Variants in DHTKD1 observed in about 807,000 individuals in gnomAD.
DHTKD1 encodes the protein 2-oxoadipate dehydrogenase complex component E1.
A neutral mutation model predicts 101.8 loss-of-function variants in DHTKD1; 78 were observed. The ratio of observed to expected loss-of-function variants is 0.77; its 90% CI spans 0.64 to 0.93. DHTKD1 has a LOEUF of 0.93. Ranked by LOEUF, DHTKD1 falls within the 40% of genes least tolerant of loss-of-function variation. DHTKD1 has a pLI of 0.00. For synonymous variants in DHTKD1, 462 were observed against 450.3 expected (o/e 1.03, Z -0.33); for missense variants, 1,223 against 1,161.7 (o/e 1.05, Z -0.77).
rs1429832049 is a variant in DHTKD1 at position 12,095,481 on chromosome 10, C to T, written c.1358+1210C>T. 7.3e-5 allele frequency among the ~76,000 whole-genome samples: 11 copies of T among 151,312 alleles called. No individual in the cohort carries two copies. In the East Asian group the frequency reaches 9.7e-4, roughly 13 times the overall value. ...TCACTTGAGGTCAGGAGTTTGAGACCGGCCTGGCCAACATGGTGAAACCCC... is the reference window on the plus strand; with the variant it reads ...TCACTTGAGGTCAGGAGTTTGAGACTGGCCTGGCCAACATGGTGAAACCCC... On this transcript the variant is annotated intron_variant, in intron 7 of 16. Transcript: ENST00000263035.
intron 12 of DHTKD1, among the ~76,000 whole-genome samples, chr10:12,111,290 C>T (rs1277994470): frequency 2.0e-5 from 3 of 152,072 alleles, no homozygotes; most frequent in Non-Finnish European, 2.9e-5. Context: ...CTCAGCCTCC[C>T]GAGTAGCTGG....
chr10:12,079,948 C>T lies in DHTKD1; in HGVS notation c.155-1524C>T, dbSNP rs114442908. 3.7e-3 allele frequency among the ~76,000 whole-genome samples: 563 copies of T among 152,254 alleles called. 4 individuals carry two copies. Among genetic ancestry groups the T allele is most frequent in the African/African-American group, 0.013 (535 of 41,562 alleles). On this transcript the variant is annotated intron_variant, in intron 1 of 16. Coordinates refer to ENST00000263035, the MANE Select transcript of DHTKD1 (RefSeq NM_018706.7). ...AAACACATCCTGTGTGTGTTCAATA[C>T]CTCTCTGTTCTTTCCTCACTAAACC...
In DHTKD1 at chr10:12,091,573, A is replaced by G. The variant is rs34716552; in HGVS notation, c.1048A>G (p.Asn350Asp). The G allele has an allele frequency of 8.6e-4, 1,394 of 1,613,348 alleles. 9 individuals are homozygous for G. The African/African-American group carries it at 0.017, about 20-fold the overall frequency. Reference protein sequence around the residue: ...GIVPETFTLSNLPHFRIGGSV... With the variant: ...GIVPETFTLSDLPHFRIGGSV... The stretch of plus-strand genomic sequence containing the variant: ...TGTTCCTGAAACATTCACGCTGTCC[A>G]ATCTCCCACATTTCAGAATTGGTGG... Residue 350 changes from asparagine to aspartate, a missense_variant, in exon 6 of 17, where the codon AAT becomes GAT. By Grantham distance (23) the Asn-to-Asp change is conservative. Transcript: ENST00000263035.
Position 12,100,851 on chromosome 10 carries a change from A to G in DHTKD1, c.1757-191A>G, listed in dbSNP as rs371376121. On this transcript the variant is annotated intron_variant, in intron 9 of 16. Transcript: ENST00000263035. ...TTCTCTAAAAATTGCAGGGCACATGATACCTCTCCACTCTTATGCAATCTC... is the reference window on the plus strand; with the variant it reads ...TTCTCTAAAAATTGCAGGGCACATGGTACCTCTCCACTCTTATGCAATCTC... Among the ~76,000 whole-genome samples, 6 of 152,270 alleles carry G rather than the reference A, an allele frequency of 3.9e-5. No homozygotes were observed. The East Asian group carries it at 9.6e-4, about 24-fold the overall frequency.
chr10:12,097,976 C>T lies in DHTKD1; in HGVS notation c.1651C>T (p.Leu551=), dbSNP rs1272373851. 3 of 1,609,302 alleles carry T rather than the reference C, an allele frequency of 1.9e-6. No homozygotes were observed. The highest frequency in any genetic ancestry group is 2.5e-6 in the Non-Finnish European group (3 of 1,176,546). ...AAGAGAGCTGCAGATGCACAGTCAC[C>T]TGCTGAAGACACATGTTCAGGTGGG... ...VPRELQMHSH[L]LKTHVQSRME... Residue 551 remains leucine (L), a synonymous_variant, in exon 8 of 17, where the codon CTG becomes TTG. Transcript: ENST00000263035.
chr10:12,080,016 C>T (rs1303021335), intron 1 of DHTKD1, among the ~76,000 whole-genome samples: 1 of 152,178 alleles, frequency 6.6e-6, no homozygotes, highest in Non-Finnish European at 1.5e-5. Context: ...TGAGGTGGCT[C>T]ACGCCTGTAA....
chr10:12,083,212 G>A (rs1588604986), intron 2 of DHTKD1, among the ~76,000 whole-genome samples: 1 of 151,860 alleles, frequency 6.6e-6, no homozygotes, highest in African/African-American at 2.4e-5. Flanking sequence ...GGCTTCCCTG[G>A]GCCACATTGG....
chr10:12,077,476 C>G (rs1832751703), intron 1 of DHTKD1, among the ~76,000 whole-genome samples: 1 of 152,092 alleles, frequency 6.6e-6, no homozygotes, highest in African/African-American at 2.4e-5. Context: ...ATGAGGTCAC[C>G]TTGGCCCGCC....
chr10:12,069,791 G>C (rs143727225), intron 1 of DHTKD1, among the ~76,000 whole-genome samples: 5 of 144,164 alleles, frequency 3.5e-5, no homozygotes, highest in African/African-American at 1.3e-4. Context: ...CTGCAGCCTC[G>C]GCCTCCCAAT....
intron 1 of DHTKD1, among the ~76,000 whole-genome samples, chr10:12,079,102 T>C (rs1400250217): frequency 6.6e-6 from 1 of 152,132 alleles, no homozygotes; most frequent in Non-Finnish European, 1.5e-5. Flanking sequence ...GTATTTTATT[T>C]TTTAGATATG....
intron 7 of DHTKD1, among the ~76,000 whole-genome samples, chr10:12,095,812 C>CAAAAAAAAAAAAAAA (rs1185585860): frequency 2.2e-4 from 9 of 41,486 alleles, no homozygotes; most frequent in Non-Finnish European, 2.4e-4. Flanking sequence ...GACTCCGTCT[C>CAAAAAAAAAAAAAAA]AAAAAAAAAA....
At chr10:12,104,030 C>T (rs1419782732) in intron 10 of DHTKD1, among the ~76,000 whole-genome samples, 4 of 152,170 alleles carry the variant, frequency 2.6e-5, no homozygotes, top group African/African-American at 4.8e-5. Flanking sequence ...AGCCCCTGGA[C>T]ACCACTCATC....
rs1388440040 is a variant in DHTKD1, at chr10:12,089,379, A to ATTCTGGGATTGTTTTAAAAAC, written c.987+126_987+146dup. On this transcript the variant is annotated intron_variant, in intron 5 of 16. Transcript: ENST00000263035. The stretch of plus-strand genomic sequence containing the variant: ...AACTGAGATGACCTTTTGGAAAAAG[A>ATTCTGGGATTGTTTTAAAAAC]TTCTGGGATTGTTTTAAAAACTAAC... 8.2e-6 allele frequency: 8 copies of ATTCTGGGATTGTTTTAAAAAC among 972,334 alleles called. No homozygotes were observed. In the African/African-American group the frequency reaches 1.3e-4, roughly 16 times the overall value. The allele number at this position is 972,334 out of a possible 1,614,324, so 60.2% of individuals were successfully genotyped here. A position where few individuals can be genotyped will look rare whatever the true frequency, so the allele number is the denominator to read the frequency against.
At chr10:12,080,431 G>C (rs1359219149) in intron 1 of DHTKD1, among the ~76,000 whole-genome samples, 1 of 151,936 alleles carries the variant, frequency 6.6e-6, no homozygotes, top group Non-Finnish European at 1.5e-5. Context: ...AAAATATGTG[G>C]GCCAGGTACA....
intron 2 of DHTKD1, among the ~76,000 whole-genome samples, 166 bp from the exon 3 acceptor site, chr10:12,084,372 TAA>T (rs1236498337): frequency 6.6e-6 from 1 of 151,966 alleles, no homozygotes; most frequent in African/African-American, 2.4e-5. Context: ...TAATCTCTGG[TAA>T]AAATCATTAC....
intron 1 of DHTKD1, among the ~76,000 whole-genome samples, chr10:12,074,803 G>C (rs1298372356): frequency 6.6e-6 from 1 of 151,920 alleles, no homozygotes; most frequent in Non-Finnish European, 1.5e-5. Flanking sequence ...GGGAGGCAGA[G>C]GTGGTATAAG....
intron 16 of DHTKD1, 47 bp downstream of exon 16, chr10:12,120,314 T>A: frequency 6.8e-7 from 1 of 1,469,860 alleles, no homozygotes; most frequent in Non-Finnish European, 9.4e-7. Flanking sequence ...TGTGTGCATG[T>A]TGTTTTTCTT....
rs911678604 is a variant in DHTKD1 at position 12,110,287 on chromosome 10, ACT to A, written c.2154+2275_2154+2276del. ...ACTCCAGCCTGGGTGACAGAGCGAG[ACT>A]CTGTCTCCAGAAAAAAGAATGTGGT... On this transcript the variant is annotated intron_variant, in intron 12 of 16. Coordinates refer to ENST00000263035, the MANE Select transcript of DHTKD1 (RefSeq NM_018706.7). This position sits in a 1 kb window ranked among gnomAD's most constrained non-coding sequence, Gnocchi z 4.9. Among the ~76,000 whole-genome samples the A allele has an allele frequency of 3.3e-5, 5 of 151,962 alleles. No homozygotes were observed. The highest frequency in any genetic ancestry group is 1.2e-4 in the African/African-American group (5 of 41,352).
At chr10:12,117,806 G>A in intron 14 of DHTKD1, 51 bp downstream of exon 14, 1 of 954,280 alleles carries the variant, frequency 1.0e-6, no homozygotes, top group Non-Finnish European at 1.7e-6. Flanking sequence ...TTTAATTAAT[G>A]GGAAAAGTAG....
Sources: allele counts gnomAD v4.1 joint callset (sites outside exome capture counted in the v4.1 genomes callset), GRCh38; gene constraint gnomAD v4.1.1; non-coding constraint Gnocchi (gnomAD v3.1); transcripts MANE v1.5; gene names NCBI Gene and HGNC (gene_info 2026-07-23, HGNC 2026-07-21).